The following CEP128 variants were observed in gnomAD, a reference collection of about 807,000 sequenced individuals.
CEP128 encodes centrosomal protein 128, also known as centrosomal protein 128kDa.
Under a neutral mutation model 156.7 loss-of-function variants are expected in CEP128, and 132 were observed. The observed-to-expected ratio is 0.84, with a 90% CI of 0.73 to 0.97. The LOEUF (loss-of-function observed/expected upper bound fraction) is 0.97, where lower values mean the gene tolerates loss of function less well. Among genes scored for constraint, CEP128 ranks in the 50% least tolerant of loss-of-function variants. CEP128 has a pLI of 0.00. For synonymous variants in CEP128, 469 were observed against 448.9 expected (o/e 1.04, Z -0.57); for missense variants, 1,252 against 1,281.9 (o/e 0.98, Z 0.36).
chr14:80,753,817 C>T (rs754025872), intron 18 of CEP128, among the ~76,000 whole-genome samples: 8 of 152,198 alleles, frequency 5.3e-5, no homozygotes, highest in Non-Finnish European at 1.2e-4. Context: ...TCCCTGACTA[C>T]TTTGGCTAGA....
intron 13 of CEP128, among the ~76,000 whole-genome samples, chr14:80,826,105 C>CAAAAA (rs397700906): frequency 9.9e-5 from 7 of 70,476 alleles, no homozygotes; most frequent in East Asian, 7.7e-4. Context: ...GATTCTGTCT[C>CAAAAA]AAAAAAAAAA....
intron 21 of CEP128, among the ~76,000 whole-genome samples, chr14:80,548,071 A>T (rs1020126598): frequency 6.6e-6 from 1 of 152,086 alleles, no homozygotes; most frequent in Non-Finnish European, 1.5e-5. Context: ...AAGTGCTGGG[A>T]TTACAGGTGT....
intron 7 of CEP128, among the ~76,000 whole-genome samples, chr14:80,896,664 G>A (rs1219308765): frequency 6.6e-6 from 1 of 152,196 alleles, no homozygotes; most frequent in East Asian, 1.9e-4. Flanking sequence ...ATTTTAGCCA[G>A]CTTCACACTT....
chr14:80,612,488 C>A (rs1434205227), intron 19 of CEP128, among the ~76,000 whole-genome samples: 3 of 152,146 alleles, frequency 2.0e-5, no homozygotes, highest in Non-Finnish European at 4.4e-5. Flanking sequence ...AATTCTTATT[C>A]ACTTGAAAGT....
At position 80,776,048 on chromosome 14, in the gene CEP128, G is replaced by A. The variant is rs138703310; in HGVS notation, c.2376+1834C>T. Reference sequence around the variant, plus strand: ...AGGGCTTCACCACGTTGGCCAGGCTGGTCTAGAATTCCTAACCTCAGGTGA... The same window carrying A: ...AGGGCTTCACCACGTTGGCCAGGCTAGTCTAGAATTCCTAACCTCAGGTGA... On this transcript the variant is annotated intron_variant, in intron 16 of 24. Coordinates refer to ENST00000555265, the MANE Select transcript of CEP128 (RefSeq NM_152446.5). 3.9e-4 allele frequency among the ~76,000 whole-genome samples: 59 copies of A among 152,158 alleles called. No individual in the cohort carries two copies. In the East Asian group the frequency reaches 0.011, roughly 27 times the overall value.
intron 22 of CEP128, 132 bp downstream of exon 22, chr14:80,530,677 G>T: frequency 2.0e-6 from 1 of 496,898 alleles, no homozygotes. Context: ...ACCCTGATAA[G>T]GTGGTATGTT....
chr14:80,940,290 T>G (rs946777647), intron 1 of CEP128, among the ~76,000 whole-genome samples: 1 of 152,180 alleles, frequency 6.6e-6, no homozygotes, highest in Non-Finnish European at 1.5e-5. Flanking sequence ...CAGTGCACAC[T>G]TCACTCTTCT....
chr14:80,718,765 G>C (rs1897703668), intron 19 of CEP128, among the ~76,000 whole-genome samples: 1 of 152,156 alleles, frequency 6.6e-6, no homozygotes, highest in Admixed American at 6.5e-5. Context: ...CAAAACAAGA[G>C]GGCATGAAAA....
intron 13 of CEP128, among the ~76,000 whole-genome samples, chr14:80,806,021 G>A (rs1023098689): frequency 6.6e-6 from 1 of 152,036 alleles, no homozygotes; most frequent in African/African-American, 2.4e-5. Context: ...AACATCAGGG[G>A]CCATGGTAAT....
chr14:80,561,195 T>A (rs555085305), intron 20 of CEP128, among the ~76,000 whole-genome samples: 1 of 152,214 alleles, frequency 6.6e-6, no homozygotes, highest in Non-Finnish European at 1.5e-5. Flanking sequence ...TGGGCATGAG[T>A]TAAATGAATA....
intron 19 of CEP128, among the ~76,000 whole-genome samples, chr14:80,610,999 T>C (rs1892973775): frequency 1.3e-5 from 2 of 152,224 alleles, no homozygotes; most frequent in South Asian, 4.1e-4. Flanking sequence ...CTCATATATG[T>C]ATAAGTTATG....
intron 5 of CEP128, chr14:80,905,624 C>T (rs754860757): frequency 1.2e-4 from 26 of 209,858 alleles, no homozygotes; most frequent in African/African-American, 5.2e-4. Flanking sequence ...AAATCTATTA[C>T]GCTAGGACAG....
intron 21 of CEP128, among the ~76,000 whole-genome samples, chr14:80,544,490 T>C (rs1011922133): frequency 6.6e-6 from 1 of 152,126 alleles, no homozygotes; most frequent in Non-Finnish European, 1.5e-5. Context: ...CTCTCTAGTA[T>C]CTTTTGCTTC....
intron 23 of CEP128, among the ~76,000 whole-genome samples, chr14:80,517,407 G>C (rs1466781993): frequency 4.0e-5 from 6 of 151,880 alleles, no homozygotes; most frequent in Non-Finnish European, 8.8e-5. Context: ...TCACAAATTT[G>C]CATAAATTCT....
At chr14:80,486,426 C>A (rs1887167065), downstream of CEP128, among the ~76,000 whole-genome samples, 1 of 151,960 alleles carries the variant, frequency 6.6e-6, no homozygotes, top group African/African-American at 2.4e-5. Flanking sequence ...GAGAATGGAA[C>A]CAAGTTGGAA....
intron 19 of CEP128, among the ~76,000 whole-genome samples, chr14:80,706,908 T>C (rs1272139665): frequency 6.6e-6 from 1 of 152,176 alleles, no homozygotes; most frequent in African/African-American, 2.4e-5. Context: ...CTCATTCTAC[T>C]ACTCAACCCA....
Position 80,785,298 on chromosome 14 carries a change from C to T in CEP128, c.1808G>A (p.Ser603Asn). 6.2e-7 allele frequency: 1 copy of T among 1,614,170 alleles called. No homozygotes were observed. Among genetic ancestry groups the T allele is most frequent in the African/African-American group, 1.3e-5 (1 of 75,044 alleles). ...GTGAGCTTTCTCAACTTTCATCTGG[C>T]TTTGGATCTTACTCTGCTTTTTCAA... ...SELKKQSKIQ[S>N]QMKVEKAHLE... The change falls in exon 15 of 25, where the codon AGC (serine) becomes AAC (asparagine). Residue 603 changes from serine to asparagine, a missense_variant. By Grantham distance (46) the Ser-to-Asn change is conservative. Transcript: ENST00000555265.
chr14:80,946,629 C>T (rs536948108), upstream of CEP128, among the ~76,000 whole-genome samples: 6 of 152,216 alleles, frequency 3.9e-5, no homozygotes, highest in Middle Eastern at 3.4e-3. Flanking sequence ...CATGACCATC[C>T]TAACCCAACT....
At chr14:80,703,025 G>T (rs1169175717) in intron 19 of CEP128, among the ~76,000 whole-genome samples, 1 of 152,058 alleles carries the variant, frequency 6.6e-6, no homozygotes, top group African/African-American at 2.4e-5. Context: ...GGTAAATTTG[G>T]AGAGAATGGA....
Sources: allele counts gnomAD v4.1 joint callset (sites outside exome capture counted in the v4.1 genomes callset), GRCh38; gene constraint gnomAD v4.1.1; transcripts MANE v1.5; gene names NCBI Gene and HGNC (gene_info 2026-07-23, HGNC 2026-07-21).